PTPRC: variants seen among roughly 807,000 people sequenced by gnomAD.
PTPRC encodes the protein receptor-type tyrosine-protein phosphatase C.
Under a neutral mutation model 155.9 loss-of-function variants are expected in PTPRC, and 44 were observed. The ratio of observed to expected loss-of-function variants is 0.28; its 90% CI spans 0.22 to 0.36. The LOEUF is 0.36. PTPRC is among the 10% of genes least tolerant of loss of function. The pLI, the probability that PTPRC is intolerant of heterozygous loss-of-function variation, is 1.00. For synonymous variants in PTPRC, 525 were observed against 533.1 expected (o/e 0.98, Z 0.21); for missense variants, 1,401 against 1,564.6 (o/e 0.90, Z 1.76).
intron 23 of PTPRC, among the ~76,000 whole-genome samples, chr1:198,737,051 T>A (rs1292351443): frequency 6.6e-6 from 1 of 151,752 alleles, no homozygotes; most frequent in Non-Finnish European, 1.5e-5. Context: ...GATTTTTCAT[T>A]ATAAAGTTCT....
Position 198,752,391 on chromosome 1 carries a change from A to G in PTPRC, c.3330+20A>G, listed in dbSNP as rs1655425183. The G allele has an allele frequency of 6.2e-7, 1 of 1,611,870 alleles. No homozygotes were observed. The highest frequency in any genetic ancestry group is 8.5e-7 in the Non-Finnish European group (1 of 1,178,614). On this transcript the variant is annotated intron_variant, in intron 30 of 32. Coordinates refer to ENST00000442510, the MANE Select transcript of PTPRC (RefSeq NM_002838.5). ...TCCAAGGTATGGAAACAATTTGGGG[A>G]GTATATTTCTTTGATATAATGGATC...
rs565339641 is a variant in PTPRC at position 198,710,226 on chromosome 1, C to T, written c.1171+402C>T. On this transcript the variant is annotated intron_variant, in intron 11 of 32. Transcript: ENST00000442510. ...ACTATTTATTCCCCCACTGAATAGT[C>T]TTGCCATTCTTATCAAAAATTAGTT... 2.3e-4 allele frequency among the ~76,000 whole-genome samples: 35 copies of T among 152,320 alleles called. 1 individual carries two copies. The highest frequency in any genetic ancestry group is 1.8e-3 in the Admixed American group (28 of 15,306).
chr1:198,663,832 A>G (rs1365080350), intron 2 of PTPRC, among the ~76,000 whole-genome samples: 2 of 152,148 alleles, frequency 1.3e-5, no homozygotes, highest in Admixed American at 6.5e-5. Flanking sequence ...ATTATTGAAT[A>G]TATGTTAGTA....
intron 2 of PTPRC, among the ~76,000 whole-genome samples, chr1:198,690,590 T>C (rs1224489194): frequency 6.6e-6 from 1 of 152,102 alleles, no homozygotes; most frequent in Non-Finnish European, 1.5e-5. Context: ...TGCATTTTAC[T>C]TCAAGGAATA....
intron 26 of PTPRC, among the ~76,000 whole-genome samples, 175 bp from the exon 27 acceptor site, chr1:198,747,934 C>T (rs1296023473): frequency 6.6e-6 from 1 of 151,502 alleles, no homozygotes; most frequent in Non-Finnish European, 1.5e-5. Flanking sequence ...GACTAAATGC[C>T]TGAGCAATTT....
intron 5 of PTPRC, among the ~76,000 whole-genome samples, chr1:198,701,504 A>G (rs1044070727): frequency 1.3e-5 from 2 of 152,234 alleles, no homozygotes; most frequent in African/African-American, 4.8e-5. Context: ...GGCAACTAGC[A>G]TAGTGCTAGT....
chr1:198,680,927 C>A (rs1324587627), intron 2 of PTPRC, among the ~76,000 whole-genome samples: 1 of 152,098 alleles, frequency 6.6e-6, no homozygotes, highest in Non-Finnish European at 1.5e-5. Flanking sequence ...TACACTGTTA[C>A]TCTATATTCG....
intron 15 of PTPRC, among the ~76,000 whole-genome samples, chr1:198,725,020 T>G (rs749650349): frequency 6.6e-6 from 1 of 152,176 alleles, no homozygotes; most frequent in African/African-American, 2.4e-5. Context: ...TAGGCTAGTC[T>G]TGAACTCTTG....
chr1:198,644,560 A>G (rs1375859819), intron 2 of PTPRC, among the ~76,000 whole-genome samples: 1 of 151,870 alleles, frequency 6.6e-6, no homozygotes, highest in Non-Finnish European at 1.5e-5. Flanking sequence ...CAGTCTGTTA[A>G]AAGAGTCTAG....
intron 2 of PTPRC, among the ~76,000 whole-genome samples, chr1:198,683,290 G>T (rs1197984157): frequency 2.0e-5 from 3 of 152,076 alleles, no homozygotes; most frequent in African/African-American, 7.2e-5. Context: ...ACTAATAAAA[G>T]ATTTCACCAC....
At chr1:198,681,602 G>A (rs1305886842) in intron 2 of PTPRC, among the ~76,000 whole-genome samples, 1 of 152,044 alleles carries the variant, frequency 6.6e-6, no homozygotes, top group African/African-American at 2.4e-5. Context: ...TAAACATTTT[G>A]TCTTACTTTT....
intron 2 of PTPRC, among the ~76,000 whole-genome samples, chr1:198,662,586 G>T (rs190179198): frequency 1.1e-3 from 172 of 151,988 alleles, no homozygotes; most frequent in Non-Finnish European, 1.9e-3. Flanking sequence ...AGAAATAAGA[G>T]AAATAGAGGA....
intron 12 of PTPRC, among the ~76,000 whole-genome samples, chr1:198,713,484 G>A (rs539520651): frequency 2.6e-5 from 4 of 152,214 alleles, no homozygotes; most frequent in South Asian, 2.1e-4. Flanking sequence ...CAGACAAAAT[G>A]TTGGGTGAAT....
intron 2 of PTPRC, among the ~76,000 whole-genome samples, chr1:198,639,776 C>T (rs188866789): frequency 6.6e-6 from 1 of 151,940 alleles, no homozygotes; most frequent in Non-Finnish European, 1.5e-5. Flanking sequence ...TAAGCCACTC[C>T]CTCTTTTCAG....
chr1:198,741,778 A>C (rs1334383513), intron 23 of PTPRC, 91 bp from the exon 24 acceptor site: 1 of 1,275,126 alleles, frequency 7.8e-7, no homozygotes, highest in Non-Finnish European at 1.1e-6. Context: ...TTACACGAGG[A>C]GACTTTGTAC....
intron 2 of PTPRC, among the ~76,000 whole-genome samples, chr1:198,686,683 A>G (rs1051279913): frequency 6.6e-6 from 1 of 152,236 alleles, no homozygotes; most frequent in African/African-American, 2.4e-5. Context: ...ATGTTTACAT[A>G]TATTGTAGTG....
rs551859806 is a variant in PTPRC, at chr1:198,697,816, A to G, written c.298+907A>G. ...CCATCACAGAAATTTTGTTTAGGGT[A>G]CATCAAAGTATTTTGAGTACCTTAC... On this transcript the variant is annotated intron_variant, in intron 4 of 32. Transcript: ENST00000442510. Among the ~76,000 whole-genome samples the G allele has an allele frequency of 6.6e-5, 10 of 152,334 alleles. No individual in the cohort carries two copies. In the South Asian group the frequency reaches 1.9e-3, roughly 28 times the overall value.
intron 2 of PTPRC, among the ~76,000 whole-genome samples, chr1:198,690,344 T>C (rs771390602): frequency 3.3e-5 from 5 of 151,770 alleles, no homozygotes; most frequent in Non-Finnish European, 5.9e-5. Context: ...TAAGAACAAA[T>C]AAGGAGAGCG....
intron 2 of PTPRC, chr1:198,679,947 C>T (rs1032825867): frequency 9.6e-6 from 6 of 624,470 alleles, no homozygotes; most frequent in East Asian, 6.2e-5. Flanking sequence ...CGTCCACCGT[C>T]GCCCTGGCGT....
Sources: allele counts gnomAD v4.1 joint callset (sites outside exome capture counted in the v4.1 genomes callset), GRCh38; gene constraint gnomAD v4.1.1; transcripts MANE v1.5; gene names NCBI Gene and HGNC (gene_info 2026-07-23, HGNC 2026-07-21).